The following ROBO2 variants were observed in gnomAD, a reference collection of about 807,000 sequenced individuals.
ROBO2 encodes the protein roundabout homolog 2.
Under a neutral mutation model 160.8 loss-of-function variants are expected in ROBO2, and 53 were observed. The observed-to-expected ratio is 0.33, with a 90% CI of 0.26 to 0.41. The LOEUF (loss-of-function observed/expected upper bound fraction) is 0.41, where lower values mean the gene tolerates loss of function less well. ROBO2 is among the 10% of genes least tolerant of loss of function. ROBO2 has a pLI of 1.00. For synonymous variants in ROBO2, 664 were observed against 611.7 expected (o/e 1.09, Z -1.26); for missense variants, 1,577 against 1,722.4 (o/e 0.92, Z 1.49).
chr3:76,441,781 A>G (rs1050810023), intron 2 of ROBO2, among the ~76,000 whole-genome samples: 1 of 152,230 alleles, frequency 6.6e-6, no homozygotes, highest in Non-Finnish European at 1.5e-5. Context: ...AATAAGAGGA[A>G]TAACTTGAAA....
chr3:77,549,098 C>T (rs2092814797), intron 7 of ROBO2, among the ~76,000 whole-genome samples: 1 of 151,778 alleles, frequency 6.6e-6, no homozygotes. Context: ...TGTGAAGTTC[C>T]CGGTTTTTGC....
chr3:75,982,343 T>C, intron 2 of ROBO2, among the ~76,000 whole-genome samples: 1 of 151,458 alleles, frequency 6.6e-6, no homozygotes, highest in African/African-American at 2.4e-5. Flanking sequence ...TTTGAGGAAC[T>C]GCCAAACTGT....
At chr3:76,335,998 T>G (rs1196152813) in intron 2 of ROBO2, among the ~76,000 whole-genome samples, 1 of 152,226 alleles carries the variant, frequency 6.6e-6, no homozygotes, top group East Asian at 1.9e-4. Context: ...ATATTCAGAT[T>G]GTTAGCTAGA....
Position 77,519,508 on chromosome 3 carries a change from C to G in ROBO2, c.807-3267C>G, listed in dbSNP as rs2090370303. On this transcript the variant is annotated intron_variant, in intron 5 of 25. Transcript: ENST00000461745. Reference sequence around the variant, plus strand: ...TAGTTTTTCAGCCCTTAACCCCCTCCTTCTCTCTTTCCTCTAGTAGTCCAC... The same window carrying G: ...TAGTTTTTCAGCCCTTAACCCCCTCGTTCTCTCTTTCCTCTAGTAGTCCAC... Among the ~76,000 whole-genome samples, 3 of 151,310 alleles carry G rather than the reference C, an allele frequency of 2.0e-5. No individual in the cohort carries two copies. In the South Asian group the frequency reaches 6.2e-4, roughly 31 times the overall value.
At chr3:77,451,516 T>C (rs1011597266) in intron 2 of ROBO2, among the ~76,000 whole-genome samples, 1 of 152,128 alleles carries the variant, frequency 6.6e-6, no homozygotes, top group African/African-American at 2.4e-5. Flanking sequence ...TGGCTCCACA[T>C]TGCATCCCAA....
intron 2 of ROBO2, among the ~76,000 whole-genome samples, chr3:77,289,703 A>G (rs929479251): frequency 1.3e-5 from 2 of 151,738 alleles, no homozygotes; most frequent in African/African-American, 2.4e-5. Flanking sequence ...CTAAAGACAT[A>G]AAGTAAAATT....
intron 2 of ROBO2, among the ~76,000 whole-genome samples, chr3:76,947,352 G>T (rs189936296): frequency 4.5e-4 from 68 of 152,150 alleles, no homozygotes; most frequent in African/African-American, 1.6e-3. Context: ...TTTCAGAATA[G>T]TCTTGTTGGA....
chr3:76,077,832 T>A lies in ROBO2; in HGVS notation c.109+140230T>A, dbSNP rs577060698. On this transcript the variant is annotated intron_variant, in intron 2 of 26. Transcript: ENST00000487694. ...AAGTGGAAAGAATCAGCAAAGTGAGTTGGAAGATCAAAGAATTGATTTAAG... is the reference window on the plus strand; with the variant it reads ...AAGTGGAAAGAATCAGCAAAGTGAGATGGAAGATCAAAGAATTGATTTAAG... Among the ~76,000 whole-genome samples the A allele has an allele frequency of 2.6e-5, 4 of 152,060 alleles. No individual in the cohort carries two copies. The South Asian group carries it at 8.3e-4, about 32-fold the overall frequency.
At chr3:76,600,383 C>G (rs898566222) in intron 2 of ROBO2, among the ~76,000 whole-genome samples, 2 of 152,104 alleles carry the variant, frequency 1.3e-5, no homozygotes, top group Admixed American at 6.6e-5. Context: ...TATTGTAAGT[C>G]TCTGTGTTAG....
intron 2 of ROBO2, among the ~76,000 whole-genome samples, chr3:76,991,981 C>T (rs1345948855): frequency 4.6e-5 from 7 of 152,180 alleles, no homozygotes; most frequent in Middle Eastern, 3.4e-3. Flanking sequence ...GGAGCTGCCC[C>T]TTATAAATTT....
intron 2 of ROBO2, among the ~76,000 whole-genome samples, chr3:77,253,085 A>G (rs1331822126): frequency 6.6e-6 from 1 of 151,956 alleles, no homozygotes; most frequent in African/African-American, 2.4e-5. Context: ...CTGAGACACC[A>G]CAGGGTAAGG....
At chr3:76,790,969 T>C (rs564041548) in intron 2 of ROBO2, among the ~76,000 whole-genome samples, 16 of 151,738 alleles carry the variant, frequency 1.1e-4, no homozygotes, top group Non-Finnish European at 2.1e-4. Flanking sequence ...CATAATAAAG[T>C]TGTTTTAGGA....
At chr3:76,999,643 G>A (rs558511106) in intron 2 of ROBO2, among the ~76,000 whole-genome samples, 5 of 152,170 alleles carry the variant, frequency 3.3e-5, no homozygotes, top group African/African-American at 1.2e-4. Flanking sequence ...ATACAGAAAA[G>A]ACCCACAATT....
chr3:77,004,669 G>A (rs1379372112), intron 2 of ROBO2, among the ~76,000 whole-genome samples: 1 of 152,144 alleles, frequency 6.6e-6, no homozygotes, highest in South Asian at 2.1e-4. Context: ...TCAGAAGGAA[G>A]CCCCATTACA....
intron 2 of ROBO2, among the ~76,000 whole-genome samples, chr3:76,825,575 T>C (rs2066501227): frequency 8.1e-6 from 1 of 123,394 alleles, no homozygotes; most frequent in African/African-American, 3.3e-5. Flanking sequence ...ACTCCAGTAA[T>C]GGGAGTCTAC....
intron 2 of ROBO2, among the ~76,000 whole-genome samples, chr3:76,494,963 C>G (rs377416950): frequency 6.6e-5 from 10 of 152,090 alleles, no homozygotes; most frequent in African/African-American, 2.4e-4. Flanking sequence ...TATTTTGGAA[C>G]TAGATACAGG....
intron 2 of ROBO2, among the ~76,000 whole-genome samples, chr3:77,401,970 A>T (rs1437723823): frequency 6.6e-6 from 1 of 152,194 alleles, no homozygotes; most frequent in Non-Finnish European, 1.5e-5. Context: ...CTATAAAGAA[A>T]CATGCACACA....
chr3:77,155,081 A>G (rs972841080), intron 2 of ROBO2, among the ~76,000 whole-genome samples: 2 of 148,184 alleles, frequency 1.3e-5, no homozygotes, highest in African/African-American at 5.3e-5. Context: ...ATAAATAAAT[A>G]AAATGGATTG....
exon 23 of ROBO2, chr3:77,622,304 A>C: frequency 6.2e-7 from 1 of 1,614,046 alleles, no homozygotes; most frequent in South Asian, 1.1e-5. Context: ...TTGATTTCTG[A>C]TTTGGAAACG....
Sources: gnomAD v4.1 joint callset for allele counts (sites outside exome capture counted in the v4.1 genomes callset) on GRCh38, gnomAD v4.1.1 for gene constraint, MANE v1.5 for transcripts, NCBI Gene and HGNC (gene_info 2026-07-23, HGNC 2026-07-21) for gene names.